CTNNA3: variants seen among roughly 807,000 people sequenced by gnomAD.
CTNNA3 encodes the protein catenin alpha-3.
Under a neutral mutation model 95.7 loss-of-function variants are expected in CTNNA3, and 76 were observed. The observed-to-expected ratio is 0.79, with a 90% confidence interval of 0.66 to 0.96. The LOEUF (loss-of-function observed/expected upper bound fraction) is 0.96, where lower values mean the gene tolerates loss of function less well. Ranked by LOEUF, CTNNA3 falls within the 40% of genes least tolerant of loss-of-function variation. CTNNA3 has a pLI of 0.00. For synonymous variants in CTNNA3, 431 were observed against 374.4 expected, an observed-to-expected ratio of 1.15 and a Z score of -1.74; for missense variants, 1,191 against 1,089.8, an observed-to-expected ratio of 1.09 and a Z score of -1.31.
chr10:66,728,058 C>T (rs1848833821), intron 9 of CTNNA3, among the ~76,000 whole-genome samples: 1 of 152,130 alleles, frequency 6.6e-6, no homozygotes, highest in South Asian at 2.1e-4. Context: ...AATAATGTTA[C>T]ATGAGAAAGA....
chr10:66,753,236 C>T (rs1839231004), intron 9 of CTNNA3, among the ~76,000 whole-genome samples: 1 of 152,128 alleles, frequency 6.6e-6, no homozygotes, highest in African/African-American at 2.4e-5. Context: ...GATTTGTCTG[C>T]CTCACTCTTT....
chr10:66,555,141 G>A lies in CTNNA3; in HGVS notation c.1375-34368C>T, dbSNP rs144467366. On this transcript the variant is annotated intron_variant, in intron 10 of 17. Transcript: ENST00000433211. ...GACTTGAAAAGGGGTTCTAGTCAGC[G>A]TAGTCTGGTTTCATTTTGCTTCACT... Among the ~76,000 whole-genome samples, 469 of 152,192 alleles carry A rather than the reference G, an allele frequency of 3.1e-3. 4 individuals carry two copies. Among genetic ancestry groups the A allele is most frequent in the African/African-American group, 0.01 (436 of 41,538 alleles).
chr10:66,176,257 T>C (rs984151887), intron 13 of CTNNA3, among the ~76,000 whole-genome samples: 1 of 152,076 alleles, frequency 6.6e-6, no homozygotes, highest in African/African-American at 2.4e-5. Context: ...AATGTGACAG[T>C]TGATGGTCTG....
intron 12 of CTNNA3, among the ~76,000 whole-genome samples, chr10:66,360,031 G>A (rs1457662581): frequency 6.6e-6 from 1 of 151,842 alleles, no homozygotes; most frequent in Non-Finnish European, 1.5e-5. Context: ...GTTTCAGCAT[G>A]TTGGTCGGGC....
intron 9 of CTNNA3, among the ~76,000 whole-genome samples, chr10:66,734,368 A>T (rs1163900450): frequency 6.6e-6 from 1 of 152,128 alleles, no homozygotes; most frequent in Admixed American, 6.5e-5. Flanking sequence ...ATAAAATAAT[A>T]ATAATAATGG....
chr10:66,218,810 G>A (rs1000954106), intron 13 of CTNNA3, among the ~76,000 whole-genome samples: 2 of 152,192 alleles, frequency 1.3e-5, no homozygotes, highest in African/African-American at 4.8e-5. Context: ...TGAGAAGACT[G>A]CTAGTGATAT....
chr10:66,869,245 G>A (rs555247153), intron 7 of CTNNA3, among the ~76,000 whole-genome samples: 1 of 152,150 alleles, frequency 6.6e-6, no homozygotes, highest in East Asian at 1.9e-4. Flanking sequence ...GAGATGGCAA[G>A]AGAAACTGCA....
intron 7 of CTNNA3, among the ~76,000 whole-genome samples, chr10:66,962,386 T>A (rs1019493322): frequency 3.3e-5 from 5 of 150,892 alleles, no homozygotes; most frequent in African/African-American, 1.2e-4. Flanking sequence ...TCCTCTAAGT[T>A]TTTTTTTGTT....
intron 1 of CTNNA3, among the ~76,000 whole-genome samples, chr10:67,690,385 C>T (rs1467448730): frequency 2.0e-5 from 3 of 152,074 alleles, no homozygotes; most frequent in South Asian, 2.1e-4. Context: ...GAAGGGGACC[C>T]GAGCAGGTTG....
At chr10:66,868,628 G>A (rs185193737) in intron 7 of CTNNA3, among the ~76,000 whole-genome samples, 1 of 150,972 alleles carries the variant, frequency 6.6e-6, no homozygotes, top group African/African-American at 2.4e-5. Context: ...GTGGGTGCCT[G>A]TAATCCCAGC....
At chr10:67,390,598 A>G (rs1423951656) in intron 5 of CTNNA3, among the ~76,000 whole-genome samples, 5 of 150,996 alleles carry the variant, frequency 3.3e-5, no homozygotes, top group Non-Finnish European at 7.4e-5. Context: ...CAGAGACACA[A>G]CCAAAAAAGA....
intron 5 of CTNNA3, among the ~76,000 whole-genome samples, chr10:67,363,013 A>G (rs1377308654): frequency 6.6e-6 from 1 of 152,044 alleles, no homozygotes; most frequent in East Asian, 1.9e-4. Flanking sequence ...TATTAATACA[A>G]TATCCACACA....
intron 15 of CTNNA3, among the ~76,000 whole-genome samples, chr10:66,066,537 A>T (rs1162103959): frequency 2.0e-5 from 3 of 152,142 alleles, no homozygotes; most frequent in African/African-American, 7.2e-5. Flanking sequence ...ATTACTTTCT[A>T]TATGAAGAGG....
chr10:67,142,792 C>T (rs1209660991), intron 7 of CTNNA3, among the ~76,000 whole-genome samples: 3 of 152,068 alleles, frequency 2.0e-5, no homozygotes, highest in East Asian at 1.9e-4. Context: ...ATTAGCCAGG[C>T]GTGGTGGCAT....
intron 13 of CTNNA3, among the ~76,000 whole-genome samples, chr10:66,136,829 AT>A (rs112254501): frequency 0.013 from 1,867 of 147,390 alleles, 67 homozygotes; most frequent in East Asian, 0.082. Context: ...AGTTCACATA[AT>A]TTTTTTTTTT....
intron 5 of CTNNA3, among the ~76,000 whole-genome samples, chr10:67,363,137 A>T (rs994968847): frequency 6.6e-6 from 1 of 152,088 alleles, no homozygotes; most frequent in African/African-American, 2.4e-5. Flanking sequence ...AAAAATAAAA[A>T]TAATTCCCTG....
At chr10:67,703,151 A>G (rs1204046501) in intron 1 of CTNNA3, among the ~76,000 whole-genome samples, 1 of 152,198 alleles carries the variant, frequency 6.6e-6, no homozygotes, top group East Asian at 1.9e-4. Context: ...ACCCACCAAA[A>G]AGAGTCCAGG....
chr10:67,223,852 C>T (rs1864768229), intron 5 of CTNNA3, among the ~76,000 whole-genome samples: 1 of 152,110 alleles, frequency 6.6e-6, no homozygotes, highest in African/African-American at 2.4e-5. Context: ...TACATGGGAA[C>T]TAAAATAGAG....
At chr10:67,645,062 GATAC>G (rs1839662709) in intron 2 of CTNNA3, among the ~76,000 whole-genome samples, 1 of 152,050 alleles carries the variant, frequency 6.6e-6, no homozygotes, top group South Asian at 2.1e-4. Context: ...TTTTAAAAGA[GATAC>G]ATTTCTTTCC....
Sources: gnomAD v4.1 joint callset for allele counts (sites outside exome capture counted in the v4.1 genomes callset) on GRCh38, gnomAD v4.1.1 for gene constraint, MANE v1.5 for transcripts, NCBI Gene and HGNC (gene_info 2026-07-23, HGNC 2026-07-21) for gene names.